Variants in CLYBL observed in about 807,000 individuals in gnomAD.
CLYBL encodes the protein citramalyl-CoA lyase, mitochondrial.
In CLYBL, 31 loss-of-function variants were observed where a neutral mutation model predicts 38.9. The ratio of observed to expected loss-of-function variants is 0.80; its 90% CI spans 0.60 to 1.08. The LOEUF (loss-of-function observed/expected upper bound fraction) is 1.08, where lower values mean the gene tolerates loss of function less well. Among genes scored for constraint, CLYBL ranks in the 50% least tolerant of loss-of-function variants. The probability of loss-of-function intolerance (pLI) is 0.00; values close to 1 mark genes in which losing one functional copy is unlikely to be tolerated. For synonymous variants in CLYBL, 171 were observed against 158.6 expected, an observed-to-expected ratio of 1.08 and a Z score of -0.59; for missense variants, 434 against 411.6, an observed-to-expected ratio of 1.05 and a Z score of -0.47.
intron 2 of CLYBL, among the ~76,000 whole-genome samples, chr13:99,800,908 A>AAAAAAAAAAAAAAAAAAAAAC (rs2050121619): frequency 1.3e-5 from 1 of 78,770 alleles, no homozygotes. Flanking sequence ...AAAAAAAAAC[A>AAAAAAAAAAAAAAAAAAAAAC]AAAAAAAAAA....
chr13:99,869,483 A>C lies in CLYBL; in HGVS notation c.803-1455A>C, dbSNP rs1455926734. ...AAGCCCTCTTGTCATCCCTCATGTT[A>C]TTCGTTCCCAGAAATTATTCCTCAG... On this transcript the variant is annotated intron_variant, in intron 6 of 8. Coordinates refer to ENST00000339105, the MANE Select transcript of CLYBL (RefSeq NM_206808.5). The surrounding 1 kb of genome is among the most constrained non-coding windows in gnomAD (Gnocchi z 4.3). 1.3e-5 allele frequency among the ~76,000 whole-genome samples: 2 copies of C among 152,154 alleles called. No homozygotes were observed. Among genetic ancestry groups the C allele is most frequent in the African/African-American group, 2.4e-5 (1 of 41,452 alleles).
chr13:99,625,895 G>A (rs1298698717), intron 1 of CLYBL, among the ~76,000 whole-genome samples: 2 of 152,228 alleles, frequency 1.3e-5, no homozygotes, highest in African/African-American at 4.8e-5. Flanking sequence ...GCTGTGCCAG[G>A]TTCCAGAAGG....
intron 1 of CLYBL, among the ~76,000 whole-genome samples, chr13:99,728,000 C>T (rs2048509709): frequency 1.3e-5 from 2 of 152,134 alleles, no homozygotes. Flanking sequence ...ATTGCTTGAA[C>T]CTGGGAGGCA....
At chr13:99,701,263 T>G (rs1200610790) in intron 1 of CLYBL, among the ~76,000 whole-genome samples, 1 of 152,184 alleles carries the variant, frequency 6.6e-6, no homozygotes, top group East Asian at 1.9e-4. Flanking sequence ...ATATATTGTC[T>G]CATTTAAATC....
intron 2 of CLYBL, among the ~76,000 whole-genome samples, chr13:99,836,808 C>T (rs1355132363): frequency 1.3e-5 from 2 of 151,802 alleles, no homozygotes; most frequent in Non-Finnish European, 2.9e-5. Flanking sequence ...CCAAACACCG[C>T]ATGTTCTCAC....
At chr13:99,803,188 G>A (rs1361787267) in intron 2 of CLYBL, among the ~76,000 whole-genome samples, 1 of 152,222 alleles carries the variant, frequency 6.6e-6, no homozygotes, top group Non-Finnish European at 1.5e-5. Context: ...GTGGCCGGCT[G>A]AAGGTTTCTA....
At chr13:99,904,051 A>C (rs150983994) in intron 8 of CLYBL, among the ~76,000 whole-genome samples, 198 of 152,002 alleles carry the variant, frequency 1.3e-3, no homozygotes, top group African/African-American at 3.6e-3. Flanking sequence ...CTCTTAAAAA[A>C]AAAAACAAAA....
chr13:99,865,276 G>T lies in CLYBL; in HGVS notation c.634+365G>T, dbSNP rs2051714128. The T allele has an allele frequency of 6.8e-6, 2 of 295,942 alleles. No homozygotes were observed. Among genetic ancestry groups the T allele is most frequent in the Admixed American group, 9.2e-5 (2 of 21,762 alleles). The allele number at this position is 295,942 out of a possible 1,614,324, so 18.3% of individuals were successfully genotyped here. On this transcript the variant is annotated intron_variant, in intron 5 of 8. Coordinates refer to ENST00000339105, the MANE Select transcript of CLYBL (RefSeq NM_206808.5). This position sits in a 1 kb window ranked among gnomAD's most constrained non-coding sequence, Gnocchi z 4.7. ...TATTTTGTTTTCATATCAGTCTGTGGGCTGTCTAGATTTCTAACGCAAATT... is the reference window on the plus strand; with the variant it reads ...TATTTTGTTTTCATATCAGTCTGTGTGCTGTCTAGATTTCTAACGCAAATT...
chr13:99,855,277 C>T lies in CLYBL; in HGVS notation c.250-3584C>T, dbSNP rs188008842. 2.6e-5 allele frequency among the ~76,000 whole-genome samples: 4 copies of T among 152,184 alleles called. No individual in the cohort carries two copies. In the East Asian group the frequency reaches 5.8e-4, roughly 22 times the overall value. The stretch of plus-strand genomic sequence containing the variant: ...TCATTTTAAACAACCTGTATTACTC[C>T]TAGGATATAAAAGCCCCCATAAAAG... On this transcript the variant is annotated intron_variant, in intron 2 of 8. Transcript: ENST00000339105.
At chr13:99,846,969 A>C (rs1429615002) in intron 2 of CLYBL, among the ~76,000 whole-genome samples, 1 of 152,106 alleles carries the variant, frequency 6.6e-6, no homozygotes, top group Non-Finnish European at 1.5e-5. Flanking sequence ...AGAAATGAAA[A>C]AAAGTTTGCT....
At chr13:99,719,672 A>G (rs1237674156) in intron 1 of CLYBL, among the ~76,000 whole-genome samples, 1 of 150,696 alleles carries the variant, frequency 6.6e-6, no homozygotes, top group Non-Finnish European at 1.5e-5. Context: ...ACACCCAGCT[A>G]ATTTTTTGTA....
chr13:99,754,920 C>T (rs370958897), intron 1 of CLYBL, among the ~76,000 whole-genome samples: 62 of 145,516 alleles, frequency 4.3e-4, no homozygotes, highest in Admixed American at 2.4e-3. Flanking sequence ...TTTTTTGAGA[C>T]GGAGTCTCAC....
chr13:99,621,864 A>G (rs1203654037), intron 1 of CLYBL, among the ~76,000 whole-genome samples: 1 of 151,984 alleles, frequency 6.6e-6, no homozygotes, highest in East Asian at 1.9e-4. Flanking sequence ...AAAACTGGAC[A>G]CCCTTGGTTA....
intron 1 of CLYBL, among the ~76,000 whole-genome samples, chr13:99,658,663 G>C (rs1461842139): frequency 6.6e-6 from 1 of 152,116 alleles, no homozygotes; most frequent in Non-Finnish European, 1.5e-5. Context: ...AGGAAGCCTC[G>C]GGCAGAGCAG....
chr13:99,621,654 G>A (rs1229731569), intron 1 of CLYBL, among the ~76,000 whole-genome samples: 1 of 152,174 alleles, frequency 6.6e-6, no homozygotes. Context: ...TTTAAATTAA[G>A]CTTGTCCCTG....
intron 1 of CLYBL, 137 bp downstream of exon 1, chr13:99,606,894 C>T (rs545992712): frequency 7.9e-7 from 1 of 1,260,336 alleles, no homozygotes; most frequent in Admixed American, 4.3e-5. Flanking sequence ...ATGCGCCTCC[C>T]ACGCGCTGGC....
intron 1 of CLYBL, among the ~76,000 whole-genome samples, chr13:99,697,026 C>T (rs9517837): frequency 0.023 from 3,448 of 152,274 alleles, 65 homozygotes; most frequent in Middle Eastern, 0.085. Context: ...CAAACCACAG[C>T]CATTGTCCTG....
intron 2 of CLYBL, among the ~76,000 whole-genome samples, chr13:99,818,767 T>G (rs1364724932): frequency 6.6e-6 from 1 of 152,238 alleles, no homozygotes; most frequent in Non-Finnish European, 1.5e-5. Context: ...CCTGGGCGTT[T>G]GTACTTAGTT....
chr13:99,799,467 C>T (rs537032098), intron 2 of CLYBL, among the ~76,000 whole-genome samples: 51 of 152,100 alleles, frequency 3.4e-4, no homozygotes, highest in African/African-American at 1.2e-3. Context: ...AATTGGTTTT[C>T]ACATGCTGGT....
Sources: allele counts gnomAD v4.1 joint callset (sites outside exome capture counted in the v4.1 genomes callset), GRCh38; gene constraint gnomAD v4.1.1; non-coding constraint Gnocchi (gnomAD v3.1); transcripts MANE v1.5; gene names NCBI Gene and HGNC (gene_info 2026-07-23, HGNC 2026-07-21).